The following SNX25 variants were observed in gnomAD, a reference collection of about 807,000 sequenced individuals.
The protein encoded by SNX25 is sorting nexin 25.
Under a neutral mutation model 113.7 loss-of-function variants are expected in SNX25, and 62 were observed. The observed-to-expected ratio is 0.55, with a 90% CI of 0.44 to 0.67. SNX25 has a LOEUF of 0.67. Ranked by LOEUF, SNX25 falls within the 30% of genes least tolerant of loss-of-function variation. The pLI is 0.00. For synonymous variants in SNX25, 421 were observed against 436.2 expected, an observed-to-expected ratio of 0.97 and a Z score of 0.43; for missense variants, 1,014 against 1,161.0, an observed-to-expected ratio of 0.87 and a Z score of 1.84.
chr4:185,295,026 T>A (rs536079286), intron 6 of SNX25, among the ~76,000 whole-genome samples: 176 of 152,292 alleles, frequency 1.2e-3, no homozygotes, highest in Non-Finnish European at 2.1e-3. Context: ...AATACCTATG[T>A]CATTGTTTCT....
intron 1 of SNX25, among the ~76,000 whole-genome samples, chr4:185,238,726 T>C (rs933955966): frequency 5.9e-5 from 9 of 152,200 alleles, no homozygotes; most frequent in African/African-American, 1.7e-4. Flanking sequence ...ATTACACCTG[T>C]CACCCCTTGA....
intron 7 of SNX25, among the ~76,000 whole-genome samples, chr4:185,317,253 A>C (rs2095081831): frequency 6.6e-6 from 1 of 152,274 alleles, no homozygotes; most frequent in Admixed American, 6.5e-5. Flanking sequence ...GAGAAATGCA[A>C]ATCAAAACCA....
At chr4:185,240,277 T>C (rs1379493960) in intron 1 of SNX25, among the ~76,000 whole-genome samples, 7 of 152,176 alleles carry the variant, frequency 4.6e-5, no homozygotes, top group Non-Finnish European at 5.9e-5. Flanking sequence ...CAATGAGCTG[T>C]TGAGTACACC....
At chr4:185,238,062 C>CAAAAA (rs10635995) in intron 1 of SNX25, among the ~76,000 whole-genome samples, 2 of 87,916 alleles carry the variant, frequency 2.3e-5, no homozygotes, top group Non-Finnish European at 4.4e-5. Flanking sequence ...GACTCCATCT[C>CAAAAA]AAAAAAAAAA....
intron 2 of SNX25, among the ~76,000 whole-genome samples, chr4:185,257,988 T>C (rs1746699487): frequency 6.6e-6 from 1 of 152,146 alleles, no homozygotes; most frequent in Admixed American, 6.5e-5. Context: ...TAATGTACAA[T>C]ATGGGATTAA....
chr4:185,314,260 A>G (rs1328574121), intron 7 of SNX25, among the ~76,000 whole-genome samples: 1 of 146,108 alleles, frequency 6.8e-6, no homozygotes, highest in Non-Finnish European at 1.5e-5. Flanking sequence ...GGGCAAAGAC[A>G]GGAGGATCGC....
intron 6 of SNX25, among the ~76,000 whole-genome samples, chr4:185,300,111 C>T (rs540030646): frequency 5.9e-5 from 9 of 152,188 alleles, no homozygotes; most frequent in African/African-American, 1.7e-4. Context: ...CATACACAAA[C>T]ACATAGACAC....
chr4:185,247,660 A>G (rs906926875), intron 2 of SNX25, among the ~76,000 whole-genome samples: 2 of 152,172 alleles, frequency 1.3e-5, no homozygotes, highest in Non-Finnish European at 2.9e-5. Flanking sequence ...TCTTTTCTAA[A>G]ATGGGTTTTA....
At chr4:185,244,669 T>C (rs1744572208) in intron 1 of SNX25, among the ~76,000 whole-genome samples, 1 of 152,216 alleles carries the variant, frequency 6.6e-6, no homozygotes, top group Non-Finnish European at 1.5e-5. Context: ...TTTGTCTATA[T>C]ATGATTATGA....
chr4:185,335,554 C>G (rs891975035), intron 10 of SNX25, among the ~76,000 whole-genome samples: 2 of 152,178 alleles, frequency 1.3e-5, no homozygotes, highest in African/African-American at 4.8e-5. Flanking sequence ...TTGCTTAACC[C>G]TTCTTCTCTC....
At chr4:185,329,292 C>T (rs2095177750) in intron 9 of SNX25, among the ~76,000 whole-genome samples, 1 of 151,994 alleles carries the variant, frequency 6.6e-6, no homozygotes, top group Non-Finnish European at 1.5e-5. Flanking sequence ...TCTTATAAGC[C>T]AAATTTGGTT....
At chr4:185,293,937 C>T (rs72709985) in intron 6 of SNX25, among the ~76,000 whole-genome samples, 211 of 152,124 alleles carry the variant, frequency 1.4e-3, no homozygotes, top group Non-Finnish European at 2.6e-3. Context: ...TTGGAGTATT[C>T]CAACTAGGAG....
intron 9 of SNX25, among the ~76,000 whole-genome samples, chr4:185,329,967 G>T (rs2095182882): frequency 6.6e-6 from 1 of 152,144 alleles, no homozygotes; most frequent in Non-Finnish European, 1.5e-5. Flanking sequence ...TTCCTGGGTT[G>T]TGAGAGAGCC....
chr4:185,214,928 G>A (rs1449179926), intron 1 of SNX25, among the ~76,000 whole-genome samples: 2 of 152,084 alleles, frequency 1.3e-5, no homozygotes, highest in Non-Finnish European at 2.9e-5. Flanking sequence ...GCAATAGGTG[G>A]CATTAAGAAC....
At chr4:185,340,875 A>G (rs1242843007) in intron 11 of SNX25, among the ~76,000 whole-genome samples, 1 of 152,174 alleles carries the variant, frequency 6.6e-6, no homozygotes, top group African/African-American at 2.4e-5. Context: ...AGAGCTCACG[A>G]AGCAGTCCCA....
intron 2 of SNX25, among the ~76,000 whole-genome samples, chr4:185,257,953 G>T (rs894640478): frequency 3.3e-5 from 5 of 152,156 alleles, no homozygotes; most frequent in African/African-American, 9.7e-5. Context: ...TAATTGAACA[G>T]AGAAAGTTAA....
At chr4:185,314,410 C>T (rs1480092575) in intron 7 of SNX25, among the ~76,000 whole-genome samples, 2 of 151,526 alleles carry the variant, frequency 1.3e-5, no homozygotes, top group African/African-American at 2.4e-5. Context: ...ATACAAATTG[C>T]CAGTATTAGG....
At chr4:185,242,427 C>T (rs1744203135) in intron 1 of SNX25, among the ~76,000 whole-genome samples, 1 of 152,164 alleles carries the variant, frequency 6.6e-6, no homozygotes, top group Non-Finnish European at 1.5e-5. Flanking sequence ...TTCTTACCAA[C>T]CAGCTTCAAT....
chr4:185,251,154 C>T (rs1268632368), intron 2 of SNX25, among the ~76,000 whole-genome samples: 1 of 152,022 alleles, frequency 6.6e-6, no homozygotes, highest in African/African-American at 2.4e-5. Flanking sequence ...ACCACCATGC[C>T]CAGCTAATTT....
Sources: gnomAD v4.1 joint callset for allele counts (sites outside exome capture counted in the v4.1 genomes callset) on GRCh38, gnomAD v4.1.1 for gene constraint, MANE v1.5 for transcripts, NCBI Gene and HGNC (gene_info 2026-07-23, HGNC 2026-07-21) for gene names.